Variants in NDUFC1 observed in about 807,000 individuals in gnomAD.
NDUFC1 encodes NADH:ubiquinone oxidoreductase subunit C1, also known as NADH dehydrogenase [ubiquinone] 1 subunit C1, mitochondrial.
Under a neutral mutation model 11.6 loss-of-function variants are expected in NDUFC1, and 11 were observed. The ratio of observed to expected loss-of-function variants is 0.95; its 90% CI spans 0.60 to 1.58. The LOEUF is 1.58. NDUFC1 is among the 40% of genes most tolerant of loss of function. The pLI, the probability that NDUFC1 is intolerant of heterozygous loss-of-function variation, is 0.00. For missense variants in NDUFC1, 112 were observed against 93.0 expected (o/e 1.20, Z -0.84); for synonymous variants, 52 against 42.2 (o/e 1.23, Z -0.90).
chr4:139,294,456 G>A (rs1745367698), intron 4 of NDUFC1, among the ~76,000 whole-genome samples: 1 of 151,820 alleles, frequency 6.6e-6, no homozygotes, highest in African/African-American at 2.4e-5. Context: ...AATTACTATT[G>A]CCGGGCGTGG....
chr4:139,293,930 A>ATTTTTTTTTTTTTTTTTTTTT (rs775805536), intron 4 of NDUFC1, among the ~76,000 whole-genome samples: 1 of 69,716 alleles, frequency 1.4e-5, no homozygotes, highest in African/African-American at 6.4e-5. Flanking sequence ...TGTGGTGTGA[A>ATTTTTTTTTTTTTTTTTTTTT]TTTTTTTTTT....
intron 2 of NDUFC1, chr4:139,296,465 C>G (rs1745480165): frequency 6.6e-6 from 1 of 152,210 alleles, no homozygotes; most frequent in Non-Finnish European, 1.5e-5. Context: ...TCTAGTGATC[C>G]TCATTAGCCC....
intron 1 of NDUFC1, chr4:139,301,902 G>T: frequency 6.7e-7 from 1 of 1,500,090 alleles, no homozygotes; most frequent in Non-Finnish European, 9.0e-7. Context: ...CCCTAACCTC[G>T]GCCCGGCGGG....
chr4:139,297,889 T>C (rs949409816), intron 1 of NDUFC1, among the ~76,000 whole-genome samples: 2 of 152,082 alleles, frequency 1.3e-5, no homozygotes, highest in African/African-American at 4.8e-5. Flanking sequence ...CATAGGTAGA[T>C]AACTATCTCT....
rs775805536 is a variant in NDUFC1 at position 139,293,930 on chromosome 4, A to ATTTTTTTTTTT, written c.171+1102_171+1112dup. ...TTTATGTGTAAAGCATGTGGTGTGA[A>ATTTTTTTTTTT]TTTTTTTTTTTTTTTTTTTTTTTTT... On this transcript the variant is annotated intron_variant, in intron 4 of 5. Coordinates refer to ENST00000394223, the MANE Select transcript of NDUFC1 (RefSeq NM_001184989.2). Among the ~76,000 whole-genome samples, 76 of 69,748 alleles carry ATTTTTTTTTTT rather than the reference A, an allele frequency of 1.1e-3. 5 individuals are homozygous for ATTTTTTTTTTT. Among genetic ancestry groups the ATTTTTTTTTTT allele is most frequent in the African/African-American group, 4.8e-3 (75 of 15,750 alleles). The allele number at this position is 69,748 out of a possible 152,430, so 45.8% of individuals were successfully genotyped here.
intron 4 of NDUFC1, among the ~76,000 whole-genome samples, chr4:139,293,767 C>T (rs1002139251): frequency 6.6e-6 from 1 of 152,080 alleles, no homozygotes; most frequent in Non-Finnish European, 1.5e-5. Context: ...CAGTGTTTCA[C>T]AGTCTTTTCT....
chr4:139,293,769 G>C (rs1745329591), intron 4 of NDUFC1, among the ~76,000 whole-genome samples: 1 of 152,214 alleles, frequency 6.6e-6, no homozygotes, highest in East Asian at 1.9e-4. Flanking sequence ...GTGTTTCACA[G>C]TCTTTTCTAG....
chr4:139,289,924 A>G (rs190121274), downstream of NDUFC1: 2 of 152,352 alleles, frequency 1.3e-5, no homozygotes, highest in Admixed American at 1.3e-4. Context: ...AAGTTGTCAC[A>G]ATATGCTTTA....
At chr4:139,297,472 C>T (rs1247535636) in intron 1 of NDUFC1, 29 bp from the exon 2 acceptor site, 5 of 152,130 alleles carry the variant, frequency 3.3e-5, no homozygotes, top group East Asian at 3.8e-4. Context: ...TAAGTAATTC[C>T]AGCTAGGAAC....
At chr4:139,301,696 C>G in intron 1 of NDUFC1, 3 of 1,487,220 alleles carry the variant, frequency 2.0e-6, no homozygotes, top group South Asian at 1.2e-5. Flanking sequence ...GCTGAAGCAG[C>G]TACGGAACGG....
At chr4:139,301,269 G>C (rs1312338500) in intron 1 of NDUFC1, 2 of 351,456 alleles carry the variant, frequency 5.7e-6, no homozygotes, top group Non-Finnish European at 1.0e-5. Flanking sequence ...TTTTGATGAG[G>C]AGGCGGTCTG....
At chr4:139,300,324 T>C (rs1745656622) in intron 1 of NDUFC1, among the ~76,000 whole-genome samples, 1 of 152,224 alleles carries the variant, frequency 6.6e-6, no homozygotes, top group African/African-American at 2.4e-5. Context: ...CCCAAGTTTA[T>C]ATTGGGAAAC....
intron 5 of NDUFC1, among the ~76,000 whole-genome samples, chr4:139,292,114 G>A (rs1745249013): frequency 2.0e-5 from 3 of 152,166 alleles, no homozygotes; most frequent in African/African-American, 7.2e-5. Flanking sequence ...TGGGATTACA[G>A]GCGTGAGCCA....
intron 1 of NDUFC1, chr4:139,300,479 G>T (rs1745664352): frequency 6.6e-6 from 1 of 152,194 alleles, no homozygotes; most frequent in Non-Finnish European, 1.5e-5. Flanking sequence ...GTGAAATCAG[G>T]ATTTGGAAAG....
intron 5 of NDUFC1, among the ~76,000 whole-genome samples, chr4:139,292,277 G>A (rs1192892623): frequency 1.3e-5 from 2 of 151,988 alleles, no homozygotes; most frequent in South Asian, 2.1e-4. Context: ...GCTGAGGCAA[G>A]GAGTGAGACC....
chr4:139,294,563 C>G (rs1037350659), intron 4 of NDUFC1, among the ~76,000 whole-genome samples: 1 of 151,358 alleles, frequency 6.6e-6, no homozygotes, highest in Non-Finnish European at 1.5e-5. Flanking sequence ...GGTGAAACCC[C>G]GTCTCTACCA....
chr4:139,292,471 T>TA, intron 5 of NDUFC1, 59 bp downstream of exon 5: 4 of 794,188 alleles, frequency 5.0e-6, no homozygotes, highest in South Asian at 2.2e-5. Context: ...TTTCAGTATT[T>TA]AAAAAAGAGG....
chr4:139,298,995 A>G (rs956411215), intron 1 of NDUFC1, among the ~76,000 whole-genome samples: 2 of 150,976 alleles, frequency 1.3e-5, no homozygotes, highest in Non-Finnish European at 2.9e-5. Flanking sequence ...TTTGAGATGT[A>G]GTCTCACTCT....
intron 4 of NDUFC1, 66 bp downstream of exon 4, chr4:139,294,977 G>C: frequency 8.4e-7 from 1 of 1,195,086 alleles, no homozygotes; most frequent in South Asian, 1.2e-5. Context: ...ATTCAATCTC[G>C]CAATGTTATG....
Sources: gnomAD v4.1 joint callset for allele counts (sites outside exome capture counted in the v4.1 genomes callset) on GRCh38, gnomAD v4.1.1 for gene constraint, MANE v1.5 for transcripts, NCBI Gene and HGNC (gene_info 2026-07-23, HGNC 2026-07-21) for gene names.